The following CACNA1B variants were observed in gnomAD, a reference collection of about 807,000 sequenced individuals.
The protein encoded by CACNA1B is voltage-dependent N-type calcium channel subunit alpha-1B.
In CACNA1B, 70 loss-of-function variants were observed where a neutral mutation model predicts 247.2. The ratio of observed to expected loss-of-function variants is 0.28; its 90% CI spans 0.23 to 0.35. The LOEUF is 0.35. Among genes scored for constraint, CACNA1B ranks in the 10% least tolerant of loss-of-function variants. The pLI is 1.00. For synonymous variants in CACNA1B, 1,231 were observed against 1,294.4 expected (o/e 0.95, Z 1.05); for missense variants, 2,367 against 3,197.4 (o/e 0.74, Z 6.26).
chr9:137,933,277 T>C (rs1030976133), intron 6 of CACNA1B, among the ~76,000 whole-genome samples: 5 of 152,154 alleles, frequency 3.3e-5, no homozygotes, highest in Admixed American at 3.3e-4. Flanking sequence ...GTCTCAAATC[T>C]CCTGACCTCA....
chr9:138,058,489 C>A lies in CACNA1B; in HGVS notation c.4309-80C>A. On this transcript the variant is annotated intron_variant, in intron 28 of 46. Coordinates refer to ENST00000371372, the MANE Select transcript of CACNA1B (RefSeq NM_000718.4). The surrounding 1 kb of genome is among the most constrained non-coding windows in gnomAD (Gnocchi z 4.7). ...TGTCAGGGCTCCCTGTGAGGCCTGGCGAGACAGGGCTGGGTGCAGTAGATG... is the reference window on the plus strand; with the variant it reads ...TGTCAGGGCTCCCTGTGAGGCCTGGAGAGACAGGGCTGGGTGCAGTAGATG... The A allele has an allele frequency of 7.5e-7, 1 of 1,327,604 alleles. No individual in the cohort carries two copies. The highest frequency in any genetic ancestry group is 1.0e-6 in the Non-Finnish European group (1 of 960,636). The allele number at this position is 1,327,604 out of a possible 1,614,324, so 82.2% of individuals were successfully genotyped here. A position where few individuals can be genotyped will look rare whatever the true frequency, so the allele number is the denominator to read the frequency against.
chr9:137,922,096 T>C (rs34333520), intron 6 of CACNA1B, among the ~76,000 whole-genome samples: 7 of 140,960 alleles, frequency 5.0e-5, no homozygotes, highest in East Asian at 4.3e-4. Context: ...TCGGAGAACA[T>C]GATCAGCACC....
Position 138,122,072 on chromosome 9 carries a change from G to C in CACNA1B, c.*73G>C. 7.2e-7 allele frequency: 1 copy of C among 1,396,838 alleles called. No individual in the cohort carries two copies. 86.5% of individuals were successfully genotyped at this position (1,396,838 alleles called of 1,614,324 possible). The stretch of plus-strand genomic sequence containing the variant: ...AGTGGATGAGTTTTATCATCCACAC[G>C]GGGCAGCCGGCCCTCGGGGGAGGCC... On this transcript the variant is annotated 3_prime_UTR_variant, in exon 47 of 47. Transcript: ENST00000371372.
chr9:138,022,862 C>T, intron 18 of CACNA1B, 149 bp from the exon 19 acceptor site: 1 of 1,099,518 alleles, frequency 9.1e-7, no homozygotes, highest in Non-Finnish European at 1.2e-6. Context: ...CCACCTGATC[C>T]GCGTCCCCCG....
At position 138,059,507 on chromosome 9, in the gene CACNA1B, C is replaced by T; in HGVS notation, c.4585-147C>T. On this transcript the variant is annotated intron_variant, in intron 30 of 46. Transcript: ENST00000371372. This position sits in a 1 kb window ranked among gnomAD's most constrained non-coding sequence, Gnocchi z 4.2. ...ACATCTGCTTACCTCTGGCCTTGTG[C>T]TGTGCCCCCTGGGGTGGCCTGTCTG... 1.5e-6 allele frequency: 1 copy of T among 648,122 alleles called. No individual in the cohort carries two copies. The allele number at this position is 648,122 out of a possible 1,614,324, so 40.1% of individuals were successfully genotyped here. A position where few individuals can be genotyped will look rare whatever the true frequency, so the allele number is the denominator to read the frequency against.
At chr9:137,901,059 T>C (rs1957233329) in intron 3 of CACNA1B, among the ~76,000 whole-genome samples, 1 of 148,412 alleles carries the variant, frequency 6.7e-6, no homozygotes, top group Admixed American at 6.7e-5. Context: ...TCCGTGTGTC[T>C]GTGCTGTGTG....
At chr9:137,953,460 C>T (rs1003968044) in intron 7 of CACNA1B, among the ~76,000 whole-genome samples, 7 of 152,194 alleles carry the variant, frequency 4.6e-5, no homozygotes, top group Non-Finnish European at 1.0e-4. Flanking sequence ...AGCCTCTGGG[C>T]TCCAGCAGGA....
At chr9:138,033,338 A>G (rs1589081645) in intron 20 of CACNA1B, among the ~76,000 whole-genome samples, 1 of 151,904 alleles carries the variant, frequency 6.6e-6, no homozygotes, top group Non-Finnish European at 1.5e-5. Context: ...GCATTTTTAT[A>G]ATGGGTGTTT....
intron 6 of CACNA1B, among the ~76,000 whole-genome samples, chr9:137,951,752 AGG>A (rs1164285417): frequency 1.3e-5 from 2 of 152,120 alleles, no homozygotes; most frequent in African/African-American, 4.8e-5. Flanking sequence ...GCGCTGTCTC[AGG>A]CCAGGCATGT....
In CACNA1B at chr9:138,054,120, G is replaced by A; in HGVS notation, c.3968+114G>A. 7.2e-6 allele frequency: 7 copies of A among 977,620 alleles called. No homozygotes were observed. In the South Asian group the frequency reaches 1.0e-4, roughly 14 times the overall value. The allele number at this position is 977,620 out of a possible 1,614,324, so 60.6% of individuals were successfully genotyped here. On this transcript the variant is annotated intron_variant, in intron 26 of 46. Transcript: ENST00000371372. This position sits in a 1 kb window ranked among gnomAD's most constrained non-coding sequence, Gnocchi z 4.6. ...ACACGGCGTGGGAGACTCCACTGCAGAGCATCACGGACCCTGCCTGAGGGC... is the reference window on the plus strand; with the variant it reads ...ACACGGCGTGGGAGACTCCACTGCAAAGCATCACGGACCCTGCCTGAGGGC...
At chr9:138,107,858 G>A (rs9314643) in intron 39 of CACNA1B, among the ~76,000 whole-genome samples, 3,312 of 152,032 alleles carry the variant, frequency 0.022, 115 homozygotes, top group African/African-American at 0.076. Context: ...GGTGGCGGGC[G>A]CCTGTAGTCC....
rs1958196294 is a variant in CACNA1B at position 137,974,602 on chromosome 9, G to A, written c.1544-1305G>A. 6.6e-6 allele frequency among the ~76,000 whole-genome samples: 1 copy of A among 152,232 alleles called. No homozygotes were observed. The stretch of plus-strand genomic sequence containing the variant: ...CCCGACCGAGGCTGTCTGGACCTGT[G>A]CAGCACAGCCCTTGGTGGAGGAGAT... On this transcript the variant is annotated intron_variant, in intron 11 of 46. Coordinates refer to ENST00000371372, the MANE Select transcript of CACNA1B (RefSeq NM_000718.4). The surrounding 1 kb of genome is among the most constrained non-coding windows in gnomAD (Gnocchi z 4.5).
At chr9:138,096,433 A>C in intron 36 of CACNA1B, 51 bp from the exon 37 acceptor site, 2 of 1,502,050 alleles carry the variant, frequency 1.3e-6, no homozygotes, top group Non-Finnish European at 1.8e-6. Flanking sequence ...GGCGGCGGGG[A>C]GGGCAGGCTG....
chr9:138,075,875 C>A lies in CACNA1B; in HGVS notation c.4914C>A (p.Phe1638Leu). The A allele has an allele frequency of 6.2e-7, 1 of 1,612,824 alleles. No individual in the cohort carries two copies. Among genetic ancestry groups the A allele is most frequent in the East Asian group, 2.2e-5 (1 of 44,862 alleles). ...CCAGCATCAACCGCCACAACAACTT[C>A]CGGACGTTTTTGCAAGCCCTGATGC... ...DDTSINRHNN[F>L]RTFLQALMLL... Residue 1638 changes from phenylalanine to leucine, a missense_variant, in exon 35 of 47, where the codon TTC becomes TTA. By Grantham distance (22) the Phe-to-Leu change is conservative. Coordinates refer to ENST00000371372, the MANE Select transcript of CACNA1B (RefSeq NM_000718.4).
At chr9:138,076,530 G>T (rs1960325916) in intron 35 of CACNA1B, among the ~76,000 whole-genome samples, 1 of 152,228 alleles carries the variant, frequency 6.6e-6, no homozygotes, top group Admixed American at 6.5e-5. Flanking sequence ...GGGCCAAGAG[G>T]CCATGGCACA....
Position 138,012,510 on chromosome 9 carries a change from G to A in CACNA1B, c.2161-619G>A, listed in dbSNP as rs965407413. ...TGTACTCCCAGCACTTTGGGAGGCC[G>A]AGGTGGGAGGATCACTTGAGCCTAG... On this transcript the variant is annotated intron_variant, in intron 17 of 46. Transcript: ENST00000371372. This position sits in a 1 kb window ranked among gnomAD's most constrained non-coding sequence, Gnocchi z 4.2. Among the ~76,000 whole-genome samples the A allele has an allele frequency of 1.3e-5, 2 of 152,046 alleles. No homozygotes were observed. The highest frequency in any genetic ancestry group is 2.9e-5 in the Non-Finnish European group (2 of 68,016).
chr9:138,023,484 G>A lies in CACNA1B; in HGVS notation c.2741G>A (p.Gly914Asp). 1 of 1,118,132 alleles carries A rather than the reference G, an allele frequency of 8.9e-7. No individual in the cohort carries two copies. Among genetic ancestry groups the A allele is most frequent in the Non-Finnish European group, 1.1e-6 (1 of 919,592 alleles). The allele number at this position is 1,118,132 out of a possible 1,614,324, so 69.3% of individuals were successfully genotyped here. Residue 914 changes from glycine (G) to aspartate (D), a missense_variant, in exon 19 of 47, where the codon GGC (glycine) becomes GAC (aspartate). Gly to Asp is a moderately conservative substitution (Grantham distance 94). Coordinates refer to ENST00000371372, the MANE Select transcript of CACNA1B (RefSeq NM_000718.4). The stretch of plus-strand genomic sequence containing the variant: ...CGCGGCCGAGGCCCAGGCCCCGAGG[G>A]CGGCCGGCGGCACCACCGGCGCGGC... ...SERGRGPGPE[G>D]GRRHHRRGSP...
At chr9:137,931,952 T>C (rs1175341808) in intron 6 of CACNA1B, among the ~76,000 whole-genome samples, 1 of 152,170 alleles carries the variant, frequency 6.6e-6, no homozygotes, top group Non-Finnish European at 1.5e-5. Context: ...ACAGCTGTTG[T>C]CGTATCTTAG....
At chr9:137,893,114 C>T (rs886589585) in intron 3 of CACNA1B, among the ~76,000 whole-genome samples, 1 of 152,154 alleles carries the variant, frequency 6.6e-6, no homozygotes, top group African/African-American at 2.4e-5. Context: ...ACGGACTTGC[C>T]AGGATCCACA....
Sources: gnomAD v4.1 joint callset for allele counts (sites outside exome capture counted in the v4.1 genomes callset) on GRCh38, gnomAD v4.1.1 for gene constraint, Gnocchi (gnomAD v3.1) non-coding constraint, MANE v1.5 for transcripts, NCBI Gene and HGNC (gene_info 2026-07-23, HGNC 2026-07-21) for gene names.